The following CREB3L2 variants were observed in gnomAD, a reference collection of about 807,000 sequenced individuals.
CREB3L2 encodes cAMP responsive element binding protein 3 like 2.
A neutral mutation model predicts 57.2 loss-of-function variants in CREB3L2; 23 were observed. The ratio of observed to expected loss-of-function variants is 0.40; its 90% CI spans 0.29 to 0.57. The LOEUF (loss-of-function observed/expected upper bound fraction) is 0.57. Ranked by LOEUF, CREB3L2 falls within the 20% of genes least tolerant of loss-of-function variation. CREB3L2 has a pLI of 0.42. For missense variants in CREB3L2, 628 were observed against 634.7 expected (o/e 0.99, Z 0.11); for synonymous variants, 268 against 265.1 (o/e 1.01, Z -0.11).
chr7:137,953,964 G>A (rs577862317), intron 1 of CREB3L2, among the ~76,000 whole-genome samples: 1 of 152,298 alleles, frequency 6.6e-6, no homozygotes, highest in African/African-American at 2.4e-5. Context: ...AAACCTGGAA[G>A]AATAAACAGC....
chr7:137,969,398 G>A (rs149430181), intron 1 of CREB3L2, among the ~76,000 whole-genome samples: 229 of 143,914 alleles, frequency 1.6e-3, no homozygotes, highest in Non-Finnish European at 2.6e-3. Flanking sequence ...CCAGGCTGGA[G>A]TGCAATGGCA....
At chr7:137,951,666 A>G (rs1309697226) in intron 1 of CREB3L2, among the ~76,000 whole-genome samples, 1 of 152,186 alleles carries the variant, frequency 6.6e-6, no homozygotes, top group African/African-American at 2.4e-5. Flanking sequence ...CTAAAATCAT[A>G]TACATGAAAA....
chr7:137,982,171 G>A (rs1801722064), intron 1 of CREB3L2, among the ~76,000 whole-genome samples: 4 of 152,130 alleles, frequency 2.6e-5, no homozygotes, highest in Admixed American at 2.6e-4. Flanking sequence ...AAAATGTGAT[G>A]AAAGACACAC....
intron 1 of CREB3L2, among the ~76,000 whole-genome samples, chr7:137,948,128 T>A (rs192343362): frequency 6.6e-6 from 1 of 152,322 alleles, no homozygotes; most frequent in East Asian, 1.9e-4. Context: ...TGATTCCCTG[T>A]CTCCAGGCCT....
intron 1 of CREB3L2, among the ~76,000 whole-genome samples, chr7:137,984,012 C>G (rs1273527759): frequency 6.6e-6 from 1 of 152,238 alleles, no homozygotes; most frequent in African/African-American, 2.4e-5. Flanking sequence ...AGGGGATGAG[C>G]AGCCACACCC....
Position 137,905,859 on chromosome 7 carries a change from C to G in CREB3L2, c.769-11G>C. ...TGATCCCTGCAGTTTCTGTGCAGAC[C>G]AAGGAGCAGAAAAGGGTCAAAGAAA... On this transcript the variant is annotated splice_polypyrimidine_tract_variant and intron_variant, in intron 5 of 11. Coordinates refer to ENST00000330387, the MANE Select transcript of CREB3L2 (RefSeq NM_194071.4). 1.3e-6 allele frequency: 2 copies of G among 1,592,058 alleles called. No homozygotes were observed. Among genetic ancestry groups the G allele is most frequent in the East Asian group, 2.2e-5 (1 of 44,682 alleles).
At chr7:137,977,441 G>C (rs1801627760) in intron 1 of CREB3L2, among the ~76,000 whole-genome samples, 1 of 152,162 alleles carries the variant, frequency 6.6e-6, no homozygotes, top group African/African-American at 2.4e-5. Flanking sequence ...TTGGGAAAAA[G>C]GAATGACAAA....
rs1044134982 is a variant in CREB3L2, at chr7:137,877,467, T to C, written c.*3009A>G. On this transcript the variant is annotated 3_prime_UTR_variant, in exon 12 of 12. Coordinates refer to ENST00000330387, the MANE Select transcript of CREB3L2 (RefSeq NM_194071.4). ...TTAAAACTGGCACTGCAGCCTTTCATTTACAATATCCCTTTTTAAGTGCAA... is the reference window on the plus strand; with the variant it reads ...TTAAAACTGGCACTGCAGCCTTTCACTTACAATATCCCTTTTTAAGTGCAA... The C allele has an allele frequency of 2.2e-5, 5 of 225,834 alleles. No homozygotes were observed. Among genetic ancestry groups the C allele is most frequent in the Non-Finnish European group, 2.6e-5 (3 of 113,532 alleles). The allele number at this position is 225,834 out of a possible 1,614,324, so 14.0% of individuals were successfully genotyped here. A position where few individuals can be genotyped will look rare whatever the true frequency, so the allele number is the denominator to read the frequency against.
chr7:137,918,542 G>C (rs1341544903), intron 2 of CREB3L2, among the ~76,000 whole-genome samples: 1 of 152,018 alleles, frequency 6.6e-6, no homozygotes, highest in Non-Finnish European at 1.5e-5. Context: ...ATTTATCCCT[G>C]GCAAAGGCTG....
chr7:137,931,600 G>A (rs1351720388), intron 1 of CREB3L2, among the ~76,000 whole-genome samples: 1 of 151,882 alleles, frequency 6.6e-6, no homozygotes, highest in Non-Finnish European at 1.5e-5. Flanking sequence ...GGGAGGCCGA[G>A]GAAGGTGGAT....
chr7:137,965,913 A>G (rs966492695), intron 1 of CREB3L2, among the ~76,000 whole-genome samples: 7 of 152,170 alleles, frequency 4.6e-5, no homozygotes, highest in Admixed American at 2.6e-4. Context: ...TCACCTGGAG[A>G]GTTTATTAAA....
rs1001955788 is a variant in CREB3L2 at position 137,913,362 on chromosome 7, C to G, written c.496-284G>C. Among the ~76,000 whole-genome samples the G allele has an allele frequency of 2.0e-5, 3 of 151,940 alleles. No homozygotes were observed. In the East Asian group the frequency reaches 5.8e-4, roughly 29 times the overall value. ...CTCCCCAAAAAAATACAAAAATTAGCCAGTTGTGATGGCGTGCACCTGCAG... is the reference window on the plus strand; with the variant it reads ...CTCCCCAAAAAAATACAAAAATTAGGCAGTTGTGATGGCGTGCACCTGCAG... On this transcript the variant is annotated intron_variant, in intron 3 of 11. Transcript: ENST00000330387.
intron 1 of CREB3L2, among the ~76,000 whole-genome samples, chr7:137,931,521 C>CAA (rs59161952): frequency 9.1e-4 from 55 of 60,748 alleles, no homozygotes; most frequent in Non-Finnish European, 1.1e-3. Flanking sequence ...GACTCCGTCT[C>CAA]AAAAAAAAAA....
intron 2 of CREB3L2, among the ~76,000 whole-genome samples, chr7:137,920,501 A>G (rs273952): frequency 0.6 from 90,822 of 152,050 alleles, 27,591 homozygotes; most frequent in East Asian, 0.9. Context: ...ACAGACAGGT[A>G]GATTACGATA....
intron 1 of CREB3L2, among the ~76,000 whole-genome samples, chr7:137,992,982 GAGAAA>G (rs1395788054): frequency 6.6e-6 from 1 of 152,208 alleles, no homozygotes; most frequent in African/African-American, 2.4e-5. Flanking sequence ...CAGTAAACAA[GAGAAA>G]AGAAATGAGT....
chr7:137,963,475 T>C (rs952654204), intron 1 of CREB3L2, among the ~76,000 whole-genome samples: 6 of 152,240 alleles, frequency 3.9e-5, no homozygotes, highest in Admixed American at 3.9e-4. Flanking sequence ...CATTTTGTAT[T>C]TATCCTAAGG....
In CREB3L2 at chr7:137,927,422, C is replaced by T. The variant is rs1390038192; in HGVS notation, c.319+728G>A. Among the ~76,000 whole-genome samples, 3 of 108,444 alleles carry T rather than the reference C, an allele frequency of 2.8e-5. No homozygotes were observed. The East Asian group carries it at 7.5e-4, about 27-fold the overall frequency. The allele number at this position is 108,444 out of a possible 152,430, so 71.1% of individuals were successfully genotyped here. A position where few individuals can be genotyped will look rare whatever the true frequency, so the allele number is the denominator to read the frequency against. On this transcript the variant is annotated intron_variant, in intron 2 of 11. Coordinates refer to ENST00000330387, the MANE Select transcript of CREB3L2 (RefSeq NM_194071.4). Reference sequence around the variant, plus strand: ...GGGAAGGAAGGGAAGGGAAGGGAAGCAAGGGAGGGAGGGGAAAGGAAGGAG... The same window carrying T: ...GGGAAGGAAGGGAAGGGAAGGGAAGTAAGGGAGGGAGGGGAAAGGAAGGAG...
intron 1 of CREB3L2, among the ~76,000 whole-genome samples, chr7:137,963,462 C>T (rs948107882): frequency 3.3e-5 from 5 of 152,188 alleles, no homozygotes; most frequent in East Asian, 1.9e-4. Context: ...TTCTAATTCA[C>T]GCCATTTTGT....
chr7:137,958,239 A>G (rs1317041827), intron 1 of CREB3L2, among the ~76,000 whole-genome samples: 1 of 152,224 alleles, frequency 6.6e-6, no homozygotes, highest in Non-Finnish European at 1.5e-5. Context: ...GCCCAACACA[A>G]GTTAGAACTC....
Sources: allele counts gnomAD v4.1 joint callset (sites outside exome capture counted in the v4.1 genomes callset), GRCh38; gene constraint gnomAD v4.1.1; transcripts MANE v1.5; gene names NCBI Gene and HGNC (gene_info 2026-07-23, HGNC 2026-07-21).